The following EHMT1 variants were observed in gnomAD, a reference collection of about 807,000 sequenced individuals.
EHMT1 encodes histone-lysine N-methyltransferase EHMT1.
EHMT1 carries 15 observed loss-of-function variants against 147.2 expected under a neutral mutation model. The ratio of observed to expected loss-of-function variants is 0.10; its 90% confidence interval spans 0.07 to 0.16. EHMT1 has a LOEUF of 0.16. Among genes scored for constraint, EHMT1 ranks in the 10% least tolerant of loss-of-function variants. EHMT1 has a pLI of 1.00. For synonymous variants in EHMT1, 795 were observed against 709.6 expected (o/e 1.12, Z -1.91); for missense variants, 1,587 against 1,772.4 (o/e 0.90, Z 1.88).
chr9:137,791,890 C>G (rs1952553619), intron 16 of EHMT1, among the ~76,000 whole-genome samples: 1 of 152,168 alleles, frequency 6.6e-6, no homozygotes, highest in South Asian at 2.1e-4. Context: ...CACCACCATG[C>G]CTGGCTAATT....
At chr9:137,829,991 C>G (rs1353189003) in intron 25 of EHMT1, among the ~76,000 whole-genome samples, 3 of 152,208 alleles carry the variant, frequency 2.0e-5, no homozygotes, top group African/African-American at 7.2e-5. Context: ...ATGCTTTATT[C>G]TTACCATTTA....
intron 25 of EHMT1, chr9:137,834,140 G>C (rs1956425727): frequency 1.5e-6 from 1 of 650,346 alleles, no homozygotes; most frequent in South Asian, 1.9e-5. Context: ...CAGCGAGGAC[G>C]GCAGGGTGCG....
At chr9:137,673,034 C>G (rs1045028378) in intron 1 of EHMT1, among the ~76,000 whole-genome samples, 2 of 152,178 alleles carry the variant, frequency 1.3e-5, no homozygotes, top group South Asian at 2.1e-4. Flanking sequence ...AGGCTGACAC[C>G]GGGCTGGATG....
rs986564028 is a variant in EHMT1 at position 137,736,297 on chromosome 9, A to G, written c.824-7074A>G. On this transcript the variant is annotated intron_variant, in intron 4 of 26. Coordinates refer to ENST00000460843, the MANE Select transcript of EHMT1 (RefSeq NM_024757.5). ...TACCTGGGTAAACATTTACATACCC[A>G]ACGAATGATAGACTATCAAGATACA... 3.3e-5 allele frequency among the ~76,000 whole-genome samples: 5 copies of G among 152,282 alleles called. No individual in the cohort carries two copies. In the East Asian group the frequency reaches 9.6e-4, roughly 29 times the overall value.
intron 2 of EHMT1, chr9:137,715,935 T>G: frequency 2.5e-6 from 2 of 814,618 alleles, no homozygotes; most frequent in South Asian, 1.1e-4. Context: ...TTAATATGTT[T>G]GAACTGAAAT....
intron 1 of EHMT1, among the ~76,000 whole-genome samples, chr9:137,626,268 A>C (rs1437862659): frequency 6.6e-6 from 1 of 151,776 alleles, no homozygotes; most frequent in Non-Finnish European, 1.5e-5. Context: ...TTTTAATTAC[A>C]ATTAAAATTT....
intron 3 of EHMT1, among the ~76,000 whole-genome samples, chr9:137,721,160 A>C (rs1945933892): frequency 7.4e-6 from 1 of 134,282 alleles, no homozygotes; most frequent in Non-Finnish European, 1.6e-5. Context: ...CACCCCTCCC[A>C]GACTTCTCAC....
At chr9:137,791,563 G>T (rs868612879) in intron 16 of EHMT1, among the ~76,000 whole-genome samples, 2 of 152,230 alleles carry the variant, frequency 1.3e-5, no homozygotes, top group Middle Eastern at 3.4e-3. Flanking sequence ...GAAGACAAAA[G>T]ACTTGTATTT....
intron 9 of EHMT1, among the ~76,000 whole-genome samples, chr9:137,762,237 C>T (rs1177009564): frequency 1.3e-5 from 2 of 151,728 alleles, no homozygotes; most frequent in African/African-American, 2.4e-5. Context: ...AATAGATGAA[C>T]CGTTATTAAA....
intron 4 of EHMT1, chr9:137,742,836 T>A: frequency 5.3e-6 from 1 of 187,562 alleles, no homozygotes; most frequent in Non-Finnish European, 1.1e-5. Context: ...GGTGTTGGGC[T>A]GTGGAGTCAC....
rs540892017 is a variant in EHMT1, at chr9:137,828,309, T to A, written c.3541-6040T>A. Among the ~76,000 whole-genome samples, 7 of 144,480 alleles carry A rather than the reference T, an allele frequency of 4.8e-5. No individual in the cohort carries two copies. The South Asian group carries it at 1.7e-3, about 35-fold the overall frequency. The allele number at this position is 144,480 out of a possible 152,430, so 94.8% of individuals were successfully genotyped here. A position where few individuals can be genotyped will look rare whatever the true frequency, so the allele number is the denominator to read the frequency against. ...GGAACCCACACCCTGTCCCCAAAGA[T>A]GCCCTGGACATGCCCTGGGGTGGGG... On this transcript the variant is annotated intron_variant, in intron 25 of 26. Transcript: ENST00000460843. The surrounding 1 kb of genome is among the most constrained non-coding windows in gnomAD (Gnocchi z 5.3).
intron 8 of EHMT1, among the ~76,000 whole-genome samples, chr9:137,754,559 C>A (rs1949227846): frequency 6.6e-6 from 1 of 151,928 alleles, no homozygotes. Flanking sequence ...GTTACCCAGG[C>A]TGGAGCGCAG....
At position 137,811,541 on chromosome 9, in the gene EHMT1, C is replaced by A; in HGVS notation, c.2793C>A (p.Asp931Glu). ...AGATCCTGCTGGCTGCCAAGTGCGACCTCCACGCCGTGAACATCCACGGAG... is the reference window on the plus strand; with the variant it reads ...AGATCCTGCTGGCTGCCAAGTGCGAACTCCACGCCGTGAACATCCACGGAG... ...IAEILLAAKC[D>E]LHAVNIHGDS... Residue 931 changes from aspartate (D) to glutamate (E), a missense_variant, in exon 19 of 27, where the codon GAC becomes GAA. By Grantham distance (45) the Asp-to-Glu change is conservative. Transcript: ENST00000460843. 1 of 1,610,104 alleles carries A rather than the reference C, an allele frequency of 6.2e-7. No individual in the cohort carries two copies. Among genetic ancestry groups the A allele is most frequent in the Non-Finnish European group, 8.5e-7 (1 of 1,180,012 alleles).
Position 137,786,953 on chromosome 9 carries a change from G to C in EHMT1, c.2383-3895G>C, listed in dbSNP as rs966903845. 1 of 152,334 alleles carries C rather than the reference G, an allele frequency of 6.6e-6. No homozygotes were observed. Among genetic ancestry groups the C allele is most frequent in the Admixed American group, 6.5e-5 (1 of 15,290 alleles). 9.4% of individuals were successfully genotyped at this position (152,334 alleles called of 1,614,324 possible). A position where few individuals can be genotyped will look rare whatever the true frequency, so the allele number is the denominator to read the frequency against. ...CCTGGGTGTCCGAGCTGCCTCAAGC[G>C]CCCCGGGGTCTTTTCTGACTTGATC... On this transcript the variant is annotated intron_variant, in intron 15 of 26. Coordinates refer to ENST00000460843, the MANE Select transcript of EHMT1 (RefSeq NM_024757.5). The surrounding 1 kb of genome is among the most constrained non-coding windows in gnomAD (Gnocchi z 4.3).
At chr9:137,771,547 G>A (rs1022637354) in intron 10 of EHMT1, among the ~76,000 whole-genome samples, 2 of 152,136 alleles carry the variant, frequency 1.3e-5, no homozygotes. Context: ...CTGTCTGCAC[G>A]TCTCTGTGCT....
At position 137,731,298 on chromosome 9, in the gene EHMT1, C is replaced by T. The variant is rs1397407671; in HGVS notation, c.823+2769C>T. ...CTGTGGTCCAGTGGTTAAGATACTCCCTCAGCCTCAGCTGCTCCCGTGTGT... is the reference window on the plus strand; with the variant it reads ...CTGTGGTCCAGTGGTTAAGATACTCTCTCAGCCTCAGCTGCTCCCGTGTGT... On this transcript the variant is annotated intron_variant, in intron 4 of 26. Coordinates refer to ENST00000460843, the MANE Select transcript of EHMT1 (RefSeq NM_024757.5). The surrounding 1 kb of genome is among the most constrained non-coding windows in gnomAD (Gnocchi z 4.3). Among the ~76,000 whole-genome samples the T allele has an allele frequency of 6.6e-6, 1 of 152,182 alleles. No individual in the cohort carries two copies.
chr9:137,664,421 G>T (rs750546209), intron 1 of EHMT1, among the ~76,000 whole-genome samples: 1 of 151,714 alleles, frequency 6.6e-6, no homozygotes, highest in Middle Eastern at 3.4e-3. Flanking sequence ...CACCACACTC[G>T]GCTAATTTTT....
intron 16 of EHMT1, among the ~76,000 whole-genome samples, chr9:137,798,161 A>G (rs544856556): frequency 1.6e-4 from 24 of 152,208 alleles, no homozygotes; most frequent in Non-Finnish European, 3.2e-4. Flanking sequence ...TACGACTCCC[A>G]GACCAAAGTG....
intron 1 of EHMT1, among the ~76,000 whole-genome samples, chr9:137,686,297 G>A (rs1349011358): frequency 6.6e-6 from 1 of 152,136 alleles, no homozygotes; most frequent in East Asian, 1.9e-4. Flanking sequence ...TCAAGGTTGT[G>A]AAGACTTACC....
Sources: gnomAD v4.1 joint callset for allele counts (sites outside exome capture counted in the v4.1 genomes callset) on GRCh38, gnomAD v4.1.1 for gene constraint, Gnocchi (gnomAD v3.1) non-coding constraint, MANE v1.5 for transcripts, NCBI Gene and HGNC (gene_info 2026-07-23, HGNC 2026-07-21) for gene names.